Variants in PRPSAP2 observed in about 807,000 individuals in gnomAD.
PRPSAP2 encodes phosphoribosyl pyrophosphate synthetase associated protein 2, also known as phosphoribosyl pyrophosphate synthase-associated protein 2.
Under a neutral mutation model 40.6 loss-of-function variants are expected in PRPSAP2, and 24 were observed. The observed-to-expected ratio is 0.59, with a 90% confidence interval of 0.43 to 0.83. The LOEUF is 0.83. Among genes scored for constraint, PRPSAP2 ranks in the 40% least tolerant of loss-of-function variants. The pLI is 0.00. For missense variants in PRPSAP2, 292 were observed against 465.6 expected (o/e 0.63, Z 3.43); for synonymous variants, 149 against 164.7 (o/e 0.90, Z 0.73).
At chr17:18,862,651 TA>T (rs1202401677) in intron 1 of PRPSAP2, among the ~76,000 whole-genome samples, 1 of 152,144 alleles carries the variant, frequency 6.6e-6, no homozygotes, top group Non-Finnish European at 1.5e-5. Flanking sequence ...TTTTGAGTAT[TA>T]GATAACTTAT....
chr17:18,898,451 C>T (rs751738753), intron 8 of PRPSAP2, among the ~76,000 whole-genome samples: 31 of 152,160 alleles, frequency 2.0e-4, no homozygotes, highest in Admixed American at 1.5e-3. Context: ...CTCCTTTTGC[C>T]GCTTTTAAAT....
intron 11 of PRPSAP2, among the ~76,000 whole-genome samples, 169 bp downstream of exon 11, chr17:18,929,126 G>C (rs1039340924): frequency 6.6e-6 from 1 of 152,162 alleles, no homozygotes. Context: ...GGAGGCCGAG[G>C]CAGGTGGATT....
At chr17:18,889,591 T>A (rs1214733543) in intron 7 of PRPSAP2, among the ~76,000 whole-genome samples, 1 of 152,224 alleles carries the variant, frequency 6.6e-6, no homozygotes, top group Non-Finnish European at 1.5e-5. Context: ...CTGGCAGAGA[T>A]AAGAGCTAAT....
chr17:18,872,011 C>T (rs1315897826), intron 4 of PRPSAP2, among the ~76,000 whole-genome samples: 1 of 152,074 alleles, frequency 6.6e-6, no homozygotes, highest in African/African-American at 2.4e-5. Context: ...TAGCTCACAC[C>T]TGTAATCCCA....
intron 9 of PRPSAP2, among the ~76,000 whole-genome samples, chr17:18,919,507 CAA>C (rs879402302): frequency 7.9e-6 from 1 of 126,466 alleles, no homozygotes; most frequent in Non-Finnish European, 1.7e-5. Flanking sequence ...GACTACCTCT[CAA>C]AAAAAAAAAA....
chr17:18,884,527 T>G (rs943180891), intron 7 of PRPSAP2, among the ~76,000 whole-genome samples: 4 of 151,834 alleles, frequency 2.6e-5, no homozygotes, highest in Non-Finnish European at 5.9e-5. Context: ...ATTTCCAGAG[T>G]CAGAATCTTG....
chr17:18,883,171 G>A (rs1461102728), intron 7 of PRPSAP2, among the ~76,000 whole-genome samples: 1 of 152,094 alleles, frequency 6.6e-6, no homozygotes, highest in Non-Finnish European at 1.5e-5. Flanking sequence ...TGCTGAATCT[G>A]TCAGATGCTT....
intron 7 of PRPSAP2, among the ~76,000 whole-genome samples, chr17:18,883,483 A>G (rs1228255996): frequency 6.8e-6 from 1 of 146,908 alleles, no homozygotes; most frequent in Non-Finnish European, 1.5e-5. Context: ...GCCCACTGAA[A>G]CCTCCACCTC....
At chr17:18,922,766 C>T (rs895480882) in intron 9 of PRPSAP2, among the ~76,000 whole-genome samples, 5 of 149,592 alleles carry the variant, frequency 3.3e-5, no homozygotes, top group South Asian at 2.1e-4. Flanking sequence ...CTTGACCTCC[C>T]GGGCCCAAGT....
rs754440972 is a variant in PRPSAP2, at chr17:18,877,743, A to T, written c.285A>T (p.Ala95=). 4.2e-5 allele frequency: 67 copies of T among 1,613,764 alleles called. No individual in the cohort carries two copies. The highest frequency in any genetic ancestry group is 5.6e-5 in the Non-Finnish European group (66 of 1,179,968). ...TGGAGCTCCTGATCATGGTGTATGC[A>T]TGTAAGACCTCTTGTGCCAAGAGCA... ...TIMELLIMVY[A]CKTSCAKSII... Residue 95 remains alanine (A), a synonymous_variant, in exon 6 of 12, where the codon GCA becomes GCT. Coordinates refer to ENST00000268835, the MANE Select transcript of PRPSAP2 (RefSeq NM_002767.4).
chr17:18,881,537 C>T (rs2096707443), intron 6 of PRPSAP2, among the ~76,000 whole-genome samples: 1 of 150,926 alleles, frequency 6.6e-6, no homozygotes, highest in African/African-American at 2.4e-5. Flanking sequence ...CGTGTCCGGC[C>T]TTATTTTTTA....
chr17:18,894,479 C>CTTTTTTTTTTTTTTTTTTT (rs1201159228), intron 8 of PRPSAP2, among the ~76,000 whole-genome samples: 4 of 120,580 alleles, frequency 3.3e-5, no homozygotes, highest in African/African-American at 9.8e-5. Context: ...TTTCAATAGT[C>CTTTTTTTTTTTTTTTTTTT]TTTTTTTTTT....
intron 5 of PRPSAP2, among the ~76,000 whole-genome samples, chr17:18,873,191 CTTTT>C (rs34126027): frequency 9.2e-6 from 1 of 108,180 alleles, no homozygotes; most frequent in Non-Finnish European, 1.8e-5. Context: ...AGTAGAGGCT[CTTTT>C]TTTTTTTTTT....
At chr17:18,867,209 G>A in intron 3 of PRPSAP2, 73 bp from the exon 4 acceptor site, 1 of 1,376,142 alleles carries the variant, frequency 7.3e-7, no homozygotes, top group South Asian at 1.2e-5. Context: ...CGATTTACGA[G>A]TCTCCTTAAA....
At chr17:18,857,752 A>T (rs891939822), upstream of PRPSAP2, 10 of 152,156 alleles carry the variant, frequency 6.6e-5, no homozygotes, top group African/African-American at 2.4e-4. Flanking sequence ...CAACAGTCTT[A>T]TGGAATGGGT....
At chr17:18,885,438 T>TGGGAACTC (rs2039070309) in intron 7 of PRPSAP2, among the ~76,000 whole-genome samples, 1 of 138,474 alleles carries the variant, frequency 7.2e-6, no homozygotes, top group Non-Finnish European at 1.6e-5. Flanking sequence ...AATTAATATG[T>TGGGAACTC]GGGAACTCAG....
chr17:18,917,751 G>C (rs2041454750), intron 9 of PRPSAP2, among the ~76,000 whole-genome samples: 1 of 151,424 alleles, frequency 6.6e-6, no homozygotes, highest in Non-Finnish European at 1.5e-5. Context: ...AGGGGAAGAG[G>C]AGGAGGGAGG....
chr17:18,881,051 C>T (rs1323155561), intron 6 of PRPSAP2, among the ~76,000 whole-genome samples: 2 of 150,120 alleles, frequency 1.3e-5, no homozygotes, highest in Non-Finnish European at 1.5e-5. Context: ...CCAGGCTGGT[C>T]TTGAACTCCT....
chr17:18,891,685 C>T (rs2039552592), intron 8 of PRPSAP2, among the ~76,000 whole-genome samples: 1 of 152,166 alleles, frequency 6.6e-6, no homozygotes, highest in African/African-American at 2.4e-5. Context: ...GTTTTCAGAA[C>T]ATTTTCGTCT....
Sources: gnomAD v4.1 joint callset for allele counts (sites outside exome capture counted in the v4.1 genomes callset) on GRCh38, gnomAD v4.1.1 for gene constraint, MANE v1.5 for transcripts, NCBI Gene and HGNC (gene_info 2026-07-23, HGNC 2026-07-21) for gene names.